FAM118A: variants seen among roughly 807,000 people sequenced by gnomAD.
The protein encoded by FAM118A is SIR2 antiphage like 2, also known as protein FAM118A.
FAM118A carries 25 observed loss-of-function variants against 38.2 expected under a neutral mutation model. The ratio of observed to expected loss-of-function variants is 0.65; its 90% CI spans 0.48 to 0.91. FAM118A has a LOEUF of 0.91. Among genes scored for constraint, FAM118A ranks in the 40% least tolerant of loss-of-function variants. The pLI, the probability that FAM118A is intolerant of heterozygous loss-of-function variation, is 0.00. For synonymous variants in FAM118A, 178 were observed against 184.1 expected (o/e 0.97, Z 0.27); for missense variants, 425 against 463.3 (o/e 0.92, Z 0.76).
At chr22:45,322,866 C>T (rs1601910860) in intron 2 of FAM118A, among the ~76,000 whole-genome samples, 1 of 152,184 alleles carries the variant, frequency 6.6e-6, no homozygotes. Flanking sequence ...GTATTCATAA[C>T]CTGTGTGCAG....
chr22:45,338,209 TCTTTTAAGTTTTCTCTGA>T (rs1435729378), intron 8 of FAM118A, among the ~76,000 whole-genome samples: 1 of 150,848 alleles, frequency 6.6e-6, no homozygotes, highest in African/African-American at 2.4e-5. Context: ...ATTTCCACCG[TCTTTTAAGTTTTCTCTGA>T]TGTCTTTTTT....
chr22:45,335,597 C>A (rs529810825), intron 7 of FAM118A, among the ~76,000 whole-genome samples: 2 of 152,092 alleles, frequency 1.3e-5, no homozygotes, highest in Non-Finnish European at 2.9e-5. Flanking sequence ...GAAGCACAGC[C>A]GAATCACACG....
At chr22:45,330,481 C>T (rs2085627779) in intron 4 of FAM118A, 122 bp from the exon 5 acceptor site, 8 of 1,111,912 alleles carry the variant, frequency 7.2e-6, no homozygotes, top group Non-Finnish European at 1.2e-6. Context: ...TAAAGTGAAG[C>T]ATCTCTCGAT....
At chr22:45,317,515 T>G (rs1311480333) in intron 1 of FAM118A, among the ~76,000 whole-genome samples, 1 of 152,212 alleles carries the variant, frequency 6.6e-6, no homozygotes, top group Non-Finnish European at 1.5e-5. Flanking sequence ...GTTTTTTTGT[T>G]ACACCACTTT....
intron 1 of FAM118A, among the ~76,000 whole-genome samples, chr22:45,311,734 C>T (rs149053754): frequency 7.4e-4 from 113 of 152,052 alleles, no homozygotes; most frequent in Middle Eastern, 3.4e-3. Context: ...TTGGAGGAAG[C>T]AAGACCCTAT....
intron 1 of FAM118A, among the ~76,000 whole-genome samples, chr22:45,317,800 T>G (rs137944333): frequency 2.0e-5 from 3 of 152,342 alleles, no homozygotes; most frequent in African/African-American, 7.2e-5. Flanking sequence ...GCCCACCAAG[T>G]GGCAGGCCAG....
At chr22:45,335,236 C>T in intron 6 of FAM118A, 114 bp from the exon 7 acceptor site, 1 of 1,228,496 alleles carries the variant, frequency 8.1e-7, no homozygotes, top group South Asian at 1.3e-5. Context: ...GCGGGCTGAC[C>T]TGCCCAGAAG....
intron 6 of FAM118A, among the ~76,000 whole-genome samples, chr22:45,332,913 T>C (rs987358648): frequency 6.6e-6 from 1 of 152,002 alleles, no homozygotes; most frequent in Non-Finnish European, 1.5e-5. Flanking sequence ...CTGGCTAATT[T>C]TGTATTTTTA....
At chr22:45,336,786 G>A (rs966075151) in intron 8 of FAM118A, among the ~76,000 whole-genome samples, 3 of 152,178 alleles carry the variant, frequency 2.0e-5, no homozygotes, top group South Asian at 2.1e-4. Flanking sequence ...CTAATCACAC[G>A]CAGTTGAGGA....
intron 7 of FAM118A, 138 bp from the exon 8 acceptor site, chr22:45,336,190 G>A (rs1036300907): frequency 5.6e-5 from 34 of 607,796 alleles, no homozygotes; most frequent in Admixed American, 1.5e-4. Context: ...TTGGAGAGAA[G>A]CCGTAGCGTG....
At chr22:45,318,956 G>T (rs2084730300) in intron 1 of FAM118A, 1 of 152,210 alleles carries the variant, frequency 6.6e-6, no homozygotes, top group South Asian at 2.1e-4. Context: ...GCTGTGGCCT[G>T]TTACGTAAGT....
chr22:45,339,169 C>A (rs2086305181), intron 8 of FAM118A, among the ~76,000 whole-genome samples: 1 of 152,200 alleles, frequency 6.6e-6, no homozygotes, highest in South Asian at 2.1e-4. Flanking sequence ...CTTTGGGAGG[C>A]TGAGGCAGGT....
upstream of FAM118A, chr22:45,309,639 T>C (rs894683102): frequency 6.6e-6 from 1 of 152,268 alleles, no homozygotes; most frequent in East Asian, 1.9e-4. Flanking sequence ...GACGCGCGGC[T>C]CGCCGGGCCA....
At chr22:45,310,968 A>C (rs1295547092) in intron 1 of FAM118A, among the ~76,000 whole-genome samples, 1 of 152,176 alleles carries the variant, frequency 6.6e-6, no homozygotes, top group Non-Finnish European at 1.5e-5. Context: ...TGACACTGGA[A>C]ATAGAGATGA....
intron 3 of FAM118A, among the ~76,000 whole-genome samples, chr22:45,325,844 T>C (rs1225952398): frequency 6.6e-6 from 1 of 151,324 alleles, no homozygotes; most frequent in Non-Finnish European, 1.5e-5. Flanking sequence ...GTGCAGGGAG[T>C]GCAGGGGAGC....
At chr22:45,313,256 C>A (rs2084454148) in intron 1 of FAM118A, among the ~76,000 whole-genome samples, 1 of 150,512 alleles carries the variant, frequency 6.6e-6, no homozygotes, top group African/African-American at 2.4e-5. Context: ...CTATGTGGGA[C>A]TAGAGGACTA....
intron 3 of FAM118A, 37 bp from the exon 4 acceptor site, chr22:45,327,805 C>A: frequency 6.2e-7 from 1 of 1,603,682 alleles, no homozygotes; most frequent in East Asian, 2.2e-5. Context: ...TTGTTAAGAG[C>A]TGATGTTTTG....
At chr22:45,310,923 A>C (rs530144563) in intron 1 of FAM118A, among the ~76,000 whole-genome samples, 89 of 152,248 alleles carry the variant, frequency 5.8e-4, no homozygotes, top group Admixed American at 2.9e-3. Flanking sequence ...AGGAACTAAC[A>C]TTTTGTTTTT....
chr22:45,323,450 T>C lies in FAM118A; in HGVS notation c.300+23T>C, dbSNP rs577409813. 9.3e-6 allele frequency: 15 copies of C among 1,604,402 alleles called. No individual in the cohort carries two copies. The African/African-American group carries it at 1.3e-4, about 14-fold the overall frequency. On this transcript the variant is annotated intron_variant, in intron 3 of 8. Transcript: ENST00000441876. The stretch of plus-strand genomic sequence containing the variant: ...CCTGTAAGTGTCAGACAAGTACCTC[T>C]TGGGGACAGCTTGGTTCTGCAGCAG...
Sources: gnomAD v4.1 joint callset for allele counts (sites outside exome capture counted in the v4.1 genomes callset) on GRCh38, gnomAD v4.1.1 for gene constraint, MANE v1.5 for transcripts, NCBI Gene and HGNC (gene_info 2026-07-23, HGNC 2026-07-21) for gene names.